CAMK1D: variants seen among roughly 807,000 people sequenced by gnomAD.
CAMK1D encodes calcium/calmodulin-dependent protein kinase type 1D.
Under a neutral mutation model 47.7 loss-of-function variants are expected in CAMK1D, and 9 were observed. That is an observed-to-expected ratio of 0.19 (90% CI 0.11 to 0.33). The LOEUF is 0.33. Ranked by LOEUF, CAMK1D falls within the 10% of genes least tolerant of loss-of-function variation. CAMK1D has a pLI of 1.00. For synonymous variants in CAMK1D, 184 were observed against 184.9 expected, an observed-to-expected ratio of 0.99 and a Z score of 0.04; for missense variants, 291 against 488.7, an observed-to-expected ratio of 0.60 and a Z score of 3.81.
At chr10:12,784,068 G>C (rs1436936126) in intron 5 of CAMK1D, among the ~76,000 whole-genome samples, 1 of 152,280 alleles carries the variant, frequency 6.6e-6, no homozygotes, top group East Asian at 1.9e-4. Flanking sequence ...GTCAGGAATA[G>C]CAAAGAAAGC....
At chr10:12,655,243 AAGC>A (rs1317929401) in intron 2 of CAMK1D, among the ~76,000 whole-genome samples, 1 of 152,090 alleles carries the variant, frequency 6.6e-6, no homozygotes, top group Non-Finnish European at 1.5e-5. Context: ...CACATGGTGA[AAGC>A]AGGATCGAGA....
At chr10:12,734,419 CATGTATATATAT>C (rs1479931360) in intron 3 of CAMK1D, among the ~76,000 whole-genome samples, 1 of 11,384 alleles carries the variant, frequency 8.8e-5, no homozygotes, top group African/African-American at 1.4e-4. Flanking sequence ...CACACACACA[CATGTATATATAT>C]ATACACACAC....
intron 8 of CAMK1D, among the ~76,000 whole-genome samples, chr10:12,822,069 T>A (rs1482066745): frequency 6.6e-6 from 1 of 152,214 alleles, no homozygotes; most frequent in African/African-American, 2.4e-5. Context: ...GATAAAGCAA[T>A]CCTGCTGTAT....
chr10:12,492,543 C>G (rs1013866038), intron 1 of CAMK1D, among the ~76,000 whole-genome samples: 2 of 152,072 alleles, frequency 1.3e-5, no homozygotes, highest in African/African-American at 4.8e-5. Context: ...CCTGTAATCC[C>G]AGCTACTTGG....
At chr10:12,363,324 G>T (rs967640580) in intron 1 of CAMK1D, among the ~76,000 whole-genome samples, 1 of 150,764 alleles carries the variant, frequency 6.6e-6, no homozygotes, top group Admixed American at 6.6e-5. Context: ...GTACAGTCTC[G>T]GCCCACTGCT....
rs1430934643 is a variant in CAMK1D, at chr10:12,829,096, AT to A, written c.*212del. The A allele has an allele frequency of 3.9e-6, 2 of 517,350 alleles. No homozygotes were observed. The highest frequency in any genetic ancestry group is 2.0e-5 in the African/African-American group (1 of 50,738). 32.0% of individuals were successfully genotyped at this position (517,350 alleles called of 1,614,324 possible). A position where few individuals can be genotyped will look rare whatever the true frequency, so the allele number is the denominator to read the frequency against. On this transcript the variant is annotated 3_prime_UTR_variant, in exon 11 of 11. Transcript: ENST00000619168. ...AACTGTACTGACTCGAGGGGCGCTG[AT>A]TTCATAGGATCTGGTGCTGTATATA... is the stretch of plus-strand genomic sequence containing the variant.
At chr10:12,528,519 C>T (rs1329697823) in intron 1 of CAMK1D, among the ~76,000 whole-genome samples, 1 of 152,132 alleles carries the variant, frequency 6.6e-6, no homozygotes, top group Non-Finnish European at 1.5e-5. Flanking sequence ...AGGTGTGGTA[C>T]ATTTACAAAC....
chr10:12,365,979 C>T (rs1468009976), intron 1 of CAMK1D, among the ~76,000 whole-genome samples: 1 of 152,208 alleles, frequency 6.6e-6, no homozygotes, highest in Non-Finnish European at 1.5e-5. Flanking sequence ...TCCCTGGAAC[C>T]TGGGAGCCGG....
At chr10:12,626,815 C>T (rs7077657) in intron 2 of CAMK1D, among the ~76,000 whole-genome samples, 1 of 151,914 alleles carries the variant, frequency 6.6e-6, no homozygotes, top group Non-Finnish European at 1.5e-5. Flanking sequence ...ACTACTATTT[C>T]TTGATTCATC....
chr10:12,517,096 C>T (rs1035252422), intron 1 of CAMK1D, among the ~76,000 whole-genome samples: 1 of 152,098 alleles, frequency 6.6e-6, no homozygotes, highest in African/African-American at 2.4e-5. Flanking sequence ...CCTGTATGTA[C>T]GTTGTTATAG....
chr10:12,608,245 C>T (rs1838520773), intron 2 of CAMK1D, among the ~76,000 whole-genome samples: 1 of 152,070 alleles, frequency 6.6e-6, no homozygotes, highest in African/African-American at 2.4e-5. Flanking sequence ...ATGGCGGAAC[C>T]CCATCTCTAT....
chr10:12,524,406 A>G (rs1835549344), intron 1 of CAMK1D, among the ~76,000 whole-genome samples: 2 of 152,200 alleles, frequency 1.3e-5, no homozygotes. Flanking sequence ...TTACATCTAC[A>G]TACATAAAAA....
intron 3 of CAMK1D, among the ~76,000 whole-genome samples, chr10:12,694,799 C>G (rs549893531): frequency 6.6e-5 from 10 of 151,668 alleles, no homozygotes; most frequent in Admixed American, 2.6e-4. Flanking sequence ...CATTAGATTA[C>G]TGTCAGGTTT....
intron 3 of CAMK1D, among the ~76,000 whole-genome samples, chr10:12,671,064 C>T (rs139302638): frequency 7.7e-4 from 117 of 152,214 alleles, no homozygotes; most frequent in Non-Finnish European, 1.4e-3. Flanking sequence ...TGTGATCTTT[C>T]GTGACTAGAT....
intron 6 of CAMK1D, among the ~76,000 whole-genome samples, chr10:12,797,847 G>C (rs878979532): frequency 5.9e-5 from 9 of 152,158 alleles, no homozygotes; most frequent in Admixed American, 2.0e-4. Context: ...CAAGGGACTT[G>C]AGGCATTGTC....
chr10:12,798,600 A>G (rs1022520576), intron 6 of CAMK1D, among the ~76,000 whole-genome samples: 1 of 152,180 alleles, frequency 6.6e-6, no homozygotes, highest in Admixed American at 6.5e-5. Context: ...AGGCTGCGGG[A>G]AGAGCTCTGT....
intron 1 of CAMK1D, among the ~76,000 whole-genome samples, chr10:12,410,942 G>A (rs1168804018): frequency 6.6e-6 from 1 of 152,188 alleles, no homozygotes; most frequent in Non-Finnish European, 1.5e-5. Flanking sequence ...AGAGGATGAG[G>A]ACTTGTTGGG....
intron 5 of CAMK1D, among the ~76,000 whole-genome samples, chr10:12,784,315 A>G (rs914942232): frequency 6.7e-6 from 1 of 150,062 alleles, no homozygotes; most frequent in Non-Finnish European, 1.5e-5. Context: ...CTCTTGCCTC[A>G]GCCTCCTGAG....
At chr10:12,534,626 A>G (rs796347346) in intron 1 of CAMK1D, among the ~76,000 whole-genome samples, 14 of 152,318 alleles carry the variant, frequency 9.2e-5, no homozygotes, top group African/African-American at 2.9e-4. Flanking sequence ...TCGGCCTCCC[A>G]AAGTGCTGAG....
Sources: allele counts gnomAD v4.1 joint callset (sites outside exome capture counted in the v4.1 genomes callset), GRCh38; gene constraint gnomAD v4.1.1; transcripts MANE v1.5; gene names NCBI Gene and HGNC (gene_info 2026-07-23, HGNC 2026-07-21).